Variants in ZRANB1 observed in about 807,000 individuals in gnomAD.
The protein encoded by ZRANB1 is ubiquitin thioesterase ZRANB1.
In ZRANB1, 16 loss-of-function variants were observed where a neutral mutation model predicts 80.5. That is an observed-to-expected ratio of 0.20 (90% confidence interval 0.13 to 0.30). The LOEUF (loss-of-function observed/expected upper bound fraction) is 0.30, where lower values mean the gene tolerates loss of function less well. ZRANB1 is among the 10% of genes least tolerant of loss of function. The pLI is 1.00. For synonymous variants in ZRANB1, 291 were observed against 293.1 expected, an observed-to-expected ratio of 0.99 and a Z score of 0.07; for missense variants, 576 against 862.6, an observed-to-expected ratio of 0.67 and a Z score of 4.16.
chr10:124,975,006 C>G (rs1356327743), intron 5 of ZRANB1, among the ~76,000 whole-genome samples: 1 of 152,144 alleles, frequency 6.6e-6, no homozygotes, highest in Admixed American at 6.5e-5. Flanking sequence ...CCATCTTTCC[C>G]AGGGTGGCTT....
chr10:124,962,308 C>CG (rs1951740427), intron 1 of ZRANB1: 1 of 870,664 alleles, frequency 1.1e-6, no homozygotes, highest in Non-Finnish European at 1.4e-6. Flanking sequence ...TTGTGCCAGC[C>CG]GACTCCAGGT....
At chr10:124,956,410 C>G (rs948789116) in intron 1 of ZRANB1, among the ~76,000 whole-genome samples, 1 of 152,190 alleles carries the variant, frequency 6.6e-6, no homozygotes, top group African/African-American at 2.4e-5. Context: ...CTCTCTACCT[C>G]CAGTCCTGCT....
chr10:124,918,815 T>C, the ZRANB1 span, among the ~76,000 whole-genome samples: 1 of 152,256 alleles, frequency 6.6e-6, no homozygotes, highest in Non-Finnish European at 1.5e-5. Flanking sequence ...ATAGGCAGTC[T>C]CTTTATACTA....
At chr10:124,968,971 ATG>A (rs1951798378) in intron 2 of ZRANB1, among the ~76,000 whole-genome samples, 1 of 152,174 alleles carries the variant, frequency 6.6e-6, no homozygotes, top group African/African-American at 2.4e-5. Context: ...TTGGCTCATG[ATG>A]TCATGAGGTT....
At position 124,944,357 on chromosome 10, in the gene ZRANB1, C is replaced by G. The variant is rs553381425; in HGVS notation, c.814+1050C>G. On this transcript the variant is annotated intron_variant, in intron 1 of 8. Transcript: ENST00000359653. ...TTAGCTGTATGTTTTCCCTCAGTAC[C>G]AATTTCTTTTATTTATCCCTCTGGG... Among the ~76,000 whole-genome samples, 26 of 152,248 alleles carry G rather than the reference C, an allele frequency of 1.7e-4. 1 individual carries two copies. The highest frequency in any genetic ancestry group is 6.3e-4 in the African/African-American group (26 of 41,550).
At chr10:124,971,027 T>C (rs1327061692) in intron 2 of ZRANB1, among the ~76,000 whole-genome samples, 1 of 152,112 alleles carries the variant, frequency 6.6e-6, no homozygotes, top group Admixed American at 6.6e-5. Flanking sequence ...TTTCATCATG[T>C]TGGCCAGGCT....
chr10:124,921,576 C>T, the ZRANB1 span, among the ~76,000 whole-genome samples: 1 of 152,060 alleles, frequency 6.6e-6, no homozygotes, highest in Admixed American at 6.6e-5. Flanking sequence ...CCTACTACAT[C>T]TATGTGGAAA....
intron 2 of ZRANB1, among the ~76,000 whole-genome samples, chr10:124,967,619 T>G (rs1589850460): frequency 6.6e-6 from 1 of 151,018 alleles, no homozygotes; most frequent in Admixed American, 6.6e-5. Context: ...TAGGAGGGAG[T>G]TGCAGAGGTG....
intron 1 of ZRANB1, among the ~76,000 whole-genome samples, chr10:124,950,151 G>A (rs977733975): frequency 2.6e-5 from 4 of 151,946 alleles, no homozygotes; most frequent in African/African-American, 9.7e-5. Context: ...AGGCAAGGTG[G>A]TCTCACTGTC....
intron 1 of ZRANB1, among the ~76,000 whole-genome samples, chr10:124,944,895 T>C (rs1951566930): frequency 6.6e-6 from 1 of 152,146 alleles, no homozygotes; most frequent in South Asian, 2.1e-4. Context: ...TAGCAAGTCT[T>C]AGTTCTAGTT....
chr10:124,922,780 T>C, the ZRANB1 span, among the ~76,000 whole-genome samples: 1 of 151,976 alleles, frequency 6.6e-6, no homozygotes, highest in Non-Finnish European at 1.5e-5. Context: ...CGTGAGCCAC[T>C]GTGCCCAGCC....
In ZRANB1 at chr10:124,983,063, TC is replaced by T; in HGVS notation, c.1549-111del. ...AATGCTGCTTTGACAATCTTTTCTT[TC>T]TTAAAAACCAACTGCGATAGTATAC... On this transcript the variant is annotated intron_variant, in intron 6 of 8. Transcript: ENST00000359653. This position sits in a 1 kb window ranked among gnomAD's most constrained non-coding sequence, Gnocchi z 6.2. The T allele has an allele frequency of 8.8e-7, 1 of 1,131,964 alleles. No individual in the cohort carries two copies. The highest frequency in any genetic ancestry group is 1.2e-6 in the Non-Finnish European group (1 of 816,556). The allele number at this position is 1,131,964 out of a possible 1,614,324, so 70.1% of individuals were successfully genotyped here.
chr10:124,937,715 T>A (rs1459698003), upstream of ZRANB1, among the ~76,000 whole-genome samples: 1 of 152,222 alleles, frequency 6.6e-6, no homozygotes. Context: ...GCACTTTTAT[T>A]ATCTGAATTG....
chr10:124,955,488 A>G (rs973166038), intron 1 of ZRANB1, among the ~76,000 whole-genome samples: 4 of 152,164 alleles, frequency 2.6e-5, no homozygotes, highest in Non-Finnish European at 4.4e-5. Flanking sequence ...AGTGAGTGCT[A>G]GAGTACTGGC....
Position 124,981,820 on chromosome 10 carries a change from T to C in ZRANB1, c.1539T>C (p.Leu513=), listed in dbSNP as rs1951936695. The change falls in exon 6 of 9, where the codon CTT becomes CTC. Residue 513 remains leucine (L), a synonymous_variant. Coordinates refer to ENST00000359653, the MANE Select transcript of ZRANB1 (RefSeq NM_017580.3). The part of the protein sequence containing the change: ...WQEDWAFILS[L]ASQPGASLEQ... ...AAGACTGGGCATTTATACTCTCTCT[T>C]GCTAGTCAGGTGAGGATGCTTCAAG... 1.9e-6 allele frequency: 3 copies of C among 1,613,524 alleles called. No individual in the cohort carries two copies. Among genetic ancestry groups the C allele is most frequent in the African/African-American group, 2.7e-5 (2 of 74,868 alleles).
At chr10:124,977,361 G>A (rs1047962076) in intron 5 of ZRANB1, among the ~76,000 whole-genome samples, 9 of 150,740 alleles carry the variant, frequency 6.0e-5, no homozygotes, top group Non-Finnish European at 1.3e-4. Context: ...GTTCCTCAGA[G>A]CTGGCTATGG....
At chr10:124,962,827 T>G (rs1395607658) in intron 1 of ZRANB1, among the ~76,000 whole-genome samples, 2 of 152,238 alleles carry the variant, frequency 1.3e-5, no homozygotes, top group East Asian at 3.8e-4. Context: ...CATTCAATTT[T>G]GAATGTATGG....
chr10:124,943,030 C>A lies in ZRANB1; in HGVS notation c.537C>A (p.Asn179Lys). Residue 179 changes from asparagine (N) to lysine (K), a missense_variant, in exon 1 of 9, where the codon AAC (asparagine) becomes AAA (lysine). Coordinates refer to ENST00000359653, the MANE Select transcript of ZRANB1 (RefSeq NM_017580.3). ...CVVCDHPRPN[N>K]IEAIELAETE... ...TTTGTGATCATCCCAGACCTAATAA[C>A]ATTGAAGCAATAGAATTGGCAGAGA... 1.2e-6 allele frequency: 2 copies of A among 1,614,186 alleles called. No individual in the cohort carries two copies. The highest frequency in any genetic ancestry group is 8.5e-7 in the Non-Finnish European group (1 of 1,180,024).
the ZRANB1 span, among the ~76,000 whole-genome samples, chr10:124,936,119 G>A: frequency 6.6e-6 from 1 of 152,092 alleles, no homozygotes; most frequent in African/African-American, 2.4e-5. Flanking sequence ...TGTATGTTGG[G>A]TGGTGGTGAC....
Sources: gnomAD v4.1 joint callset for allele counts (sites outside exome capture counted in the v4.1 genomes callset) on GRCh38, gnomAD v4.1.1 for gene constraint, Gnocchi (gnomAD v3.1) non-coding constraint, MANE v1.5 for transcripts, NCBI Gene and HGNC (gene_info 2026-07-23, HGNC 2026-07-21) for gene names.